Variants in NME8 observed in about 807,000 individuals in gnomAD.
NME8 encodes protein NME8.
In NME8, 72 loss-of-function variants were observed where a neutral mutation model predicts 82.3. The observed-to-expected ratio is 0.87, with a 90% confidence interval of 0.72 to 1.06. The LOEUF is 1.06. Among genes scored for constraint, NME8 ranks in the 50% least tolerant of loss-of-function variants. NME8 has a pLI of 0.00. For missense variants in NME8, 712 were observed against 685.4 expected, an observed-to-expected ratio of 1.04 and a Z score of -0.43; for synonymous variants, 267 against 228.5, an observed-to-expected ratio of 1.17 and a Z score of -1.52.
rs1390455717 is a variant in NME8, at chr7:37,879,554, A to C, written c.994+2547A>C. The stretch of plus-strand genomic sequence containing the variant: ...TCATTTCTTTTTATCACTGAATAAT[A>C]TTCCATTGTATGTATGCAACTAAGT... On this transcript the variant is annotated intron_variant, in intron 12 of 17. Coordinates refer to ENST00000199447, the MANE Select transcript of NME8 (RefSeq NM_016616.5). Among the ~76,000 whole-genome samples, 3 of 152,216 alleles carry C rather than the reference A, an allele frequency of 2.0e-5. No individual in the cohort carries two copies. In the South Asian group the frequency reaches 6.2e-4, roughly 31 times the overall value.
Position 37,897,090 on chromosome 7 carries a change from T to A in NME8, c.1765T>A (p.Ter589LysextTer48). 6.3e-7 allele frequency: 1 copy of A among 1,591,114 alleles called. No individual in the cohort carries two copies. Among genetic ancestry groups the A allele is most frequent in the Non-Finnish European group, 8.6e-7 (1 of 1,159,070 alleles). The part of the protein sequence containing the change: ...NRLFEDPEEN[*>K] ...ACTCTTTGAGGATCCTGAGGAAAAC[T>A]AAAGTATATACTGTGAAGTACGTAC... The change falls in exon 17 of 18, where the codon TAA (stop) becomes AAA (lysine). Residue 589 changes from the stop codon to lysine (K), a stop_lost. Coordinates refer to ENST00000199447, the MANE Select transcript of NME8 (RefSeq NM_016616.5).
chr7:37,859,694 G>C (rs887138643), intron 6 of NME8, among the ~76,000 whole-genome samples: 2 of 152,052 alleles, frequency 1.3e-5, no homozygotes, highest in Admixed American at 6.6e-5. Flanking sequence ...AGTCTTTGGC[G>C]TGTGGTTTAA....
intron 12 of NME8, among the ~76,000 whole-genome samples, chr7:37,881,406 T>A (rs575013631): frequency 6.6e-6 from 1 of 152,344 alleles, no homozygotes; most frequent in South Asian, 2.1e-4. Context: ...CTGCATCTAC[T>A]AACATAATCA....
chr7:37,879,264 T>C (rs1341079025), intron 12 of NME8, among the ~76,000 whole-genome samples: 3 of 152,124 alleles, frequency 2.0e-5, no homozygotes, highest in African/African-American at 7.2e-5. Flanking sequence ...TTCTCCTGCC[T>C]CAGTCTCCCA....
At chr7:37,853,355 C>A (rs1784462856) in intron 5 of NME8, among the ~76,000 whole-genome samples, 1 of 152,002 alleles carries the variant, frequency 6.6e-6, no homozygotes, top group South Asian at 2.1e-4. Context: ...AGAATCACAA[C>A]CACCAGAAAG....
At chr7:37,870,243 C>CA (rs1784747291) in intron 11 of NME8, among the ~76,000 whole-genome samples, 1 of 24,024 alleles carries the variant, frequency 4.2e-5, no homozygotes, top group Non-Finnish European at 1.1e-4. Flanking sequence ...AGCTGATGAA[C>CA]TTAAAAAAAA....
chr7:37,861,915 T>A (rs925109843), intron 6 of NME8, 113 bp from the exon 7 acceptor site: 7 of 787,036 alleles, frequency 8.9e-6, no homozygotes, highest in African/African-American at 3.4e-5. Context: ...AAAAGAGGAT[T>A]CATGAGGATG....
intron 17 of NME8, among the ~76,000 whole-genome samples, chr7:37,897,735 G>A (rs953116519): frequency 4.1e-5 from 6 of 147,034 alleles, no homozygotes; most frequent in Non-Finnish European, 7.4e-5. Flanking sequence ...CTCAATGTTC[G>A]ACTCCCACTT....
At chr7:37,855,865 G>A (rs1784504477) in intron 5 of NME8, among the ~76,000 whole-genome samples, 1 of 151,946 alleles carries the variant, frequency 6.6e-6, no homozygotes, top group African/African-American at 2.4e-5. Context: ...GAGATAAAAA[G>A]GTATTTCAGA....
rs1227716460 is a variant in NME8, at chr7:37,857,235, G to A, written c.199-39G>A. Reference sequence around the variant, plus strand: ...TAGTGTATCAAATTACTTGAATATAGTTTTATTTATTATTATATGAAATGT... The same window carrying A: ...TAGTGTATCAAATTACTTGAATATAATTTTATTTATTATTATATGAAATGT... On this transcript the variant is annotated intron_variant, in intron 5 of 17. Coordinates refer to ENST00000199447, the MANE Select transcript of NME8 (RefSeq NM_016616.5). 2.7e-6 allele frequency: 4 copies of A among 1,459,996 alleles called. No homozygotes were observed. The East Asian group carries it at 7.1e-5, about 26-fold the overall frequency. The allele number at this position is 1,459,996 out of a possible 1,614,324, so 90.4% of individuals were successfully genotyped here.
Position 37,877,827 on chromosome 7 carries a change from A to G in NME8, c.994+820A>G, listed in dbSNP as rs117401008. Among the ~76,000 whole-genome samples the G allele has an allele frequency of 7.1e-4, 108 of 152,322 alleles. 2 individuals carry two copies. In the East Asian group the frequency reaches 0.02, roughly 29 times the overall value. Reference sequence around the variant, plus strand: ...TCTGCCCCACCTCTCAAATTGTGACAACGTCAAAAATGTCTCTGGAGGTTG... The same window carrying G: ...TCTGCCCCACCTCTCAAATTGTGACGACGTCAAAAATGTCTCTGGAGGTTG... On this transcript the variant is annotated intron_variant, in intron 12 of 17. Coordinates refer to ENST00000199447, the MANE Select transcript of NME8 (RefSeq NM_016616.5).
intron 12 of NME8, among the ~76,000 whole-genome samples, chr7:37,879,798 A>G (rs971863071): frequency 1.8e-4 from 27 of 152,208 alleles, no homozygotes; most frequent in African/African-American, 5.5e-4. Flanking sequence ...CACCTGTACC[A>G]CTTTCCATTT....
intron 5 of NME8, among the ~76,000 whole-genome samples, chr7:37,854,153 G>A (rs1784476851): frequency 6.6e-6 from 1 of 152,012 alleles, no homozygotes; most frequent in African/African-American, 2.4e-5. Flanking sequence ...AACATAAACA[G>A]TCGATTGATA....
intron 7 of NME8, 95 bp from the exon 8 acceptor site, chr7:37,863,301 A>G (rs763448429): frequency 3.3e-5 from 25 of 751,422 alleles, no homozygotes; most frequent in Non-Finnish European, 5.5e-5. Flanking sequence ...TTCTTAGACT[A>G]TAAATATTTA....
chr7:37,891,539 C>T (rs1007656666), intron 15 of NME8, among the ~76,000 whole-genome samples: 19 of 151,770 alleles, frequency 1.3e-4, no homozygotes, highest in Admixed American at 1.2e-3. Flanking sequence ...TTTTCATTTA[C>T]TGTTGTTCTT....
Position 37,880,851 on chromosome 7 carries a change from T to C in NME8, c.995-3452T>C, listed in dbSNP as rs548062572. 1.1e-3 allele frequency among the ~76,000 whole-genome samples: 162 copies of C among 152,284 alleles called. 2 individuals carry two copies. Among genetic ancestry groups the C allele is most frequent in the African/African-American group, 3.8e-3 (157 of 41,580 alleles). On this transcript the variant is annotated intron_variant, in intron 12 of 17. Coordinates refer to ENST00000199447, the MANE Select transcript of NME8 (RefSeq NM_016616.5). The stretch of plus-strand genomic sequence containing the variant: ...GTTTTCTTCATTTAGATTCTTTACA[T>C]ATTTTGATAGATTTTTGCCCATGTA...
intron 12 of NME8, among the ~76,000 whole-genome samples, chr7:37,877,839 G>A (rs1439288321): frequency 6.6e-6 from 1 of 152,150 alleles, no homozygotes; most frequent in East Asian, 1.9e-4. Flanking sequence ...CGTCAAAAAT[G>A]TCTCTGGAGG....
At chr7:37,888,138 T>G (rs561364132) in intron 14 of NME8, 139 bp from the exon 15 acceptor site, 6 of 801,394 alleles carry the variant, frequency 7.5e-6, no homozygotes, top group African/African-American at 6.8e-5. Context: ...TAAGCCGCCA[T>G]GTACTTACTT....
Position 37,891,080 on chromosome 7 carries a change from T to C in NME8, c.1399+2652T>C, listed in dbSNP as rs563293858. 2.9e-4 allele frequency among the ~76,000 whole-genome samples: 44 copies of C among 152,146 alleles called. 1 individual carries two copies. In the South Asian group the frequency reaches 9.1e-3, roughly 32 times the overall value. On this transcript the variant is annotated intron_variant, in intron 15 of 17. Coordinates refer to ENST00000199447, the MANE Select transcript of NME8 (RefSeq NM_016616.5). Reference sequence around the variant, plus strand: ...TGTTCAATAGATATCTTCTGAGAAATGTCCATTCAGGTTTTTACCCATTTT... The same window carrying C: ...TGTTCAATAGATATCTTCTGAGAAACGTCCATTCAGGTTTTTACCCATTTT...
Sources: gnomAD v4.1 joint callset for allele counts (sites outside exome capture counted in the v4.1 genomes callset) on GRCh38, gnomAD v4.1.1 for gene constraint, MANE v1.5 for transcripts, NCBI Gene and HGNC (gene_info 2026-07-23, HGNC 2026-07-21) for gene names.